Variants in TPRKB observed in about 807,000 individuals in gnomAD.
The protein encoded by TPRKB is TP53RK binding protein.
Under a neutral mutation model 17.8 loss-of-function variants are expected in TPRKB, and 11 were observed. The ratio of observed to expected loss-of-function variants is 0.62; its 90% CI spans 0.39 to 1.02. The LOEUF (loss-of-function observed/expected upper bound fraction) is 1.02. Among genes scored for constraint, TPRKB ranks in the 50% least tolerant of loss-of-function variants. The probability of loss-of-function intolerance (pLI) is 0.00; values close to 1 mark genes in which losing one functional copy is unlikely to be tolerated. For synonymous variants in TPRKB, 71 were observed against 69.5 expected (o/e 1.02, Z -0.11); for missense variants, 228 against 198.0 (o/e 1.15, Z -0.91).
chr2:73,732,572 G>A (rs758318463), intron 2 of TPRKB: 55 of 303,908 alleles, frequency 1.8e-4, no homozygotes, highest in Non-Finnish European at 3.1e-4. Context: ...AGTCAGGCGT[G>A]GTGGCACGCA....
chr2:73,730,671 A>G lies in TPRKB; in HGVS notation c.330T>C (p.Ile110=). The G allele has an allele frequency of 1.3e-6, 2 of 1,582,100 alleles. No homozygotes were observed. The highest frequency in any genetic ancestry group is 1.7e-6 in the Non-Finnish European group (2 of 1,169,480). ...ANDTSILIVY[I]EEGEKQINQE... ...GATTTATTTGTTTTTCTCCCTCTTC[A>G]ATGTAAACAATTAGAATTGAAGTGT... Residue 110 remains isoleucine, a synonymous_variant, in exon 4 of 5, where the codon ATT becomes ATC. Coordinates refer to ENST00000272424, the MANE Select transcript of TPRKB (RefSeq NM_016058.5).
In TPRKB at chr2:73,730,027, T is replaced by G. The variant is rs778740524; in HGVS notation, c.444A>C (p.Ile148=). 6.4e-7 allele frequency: 1 copy of G among 1,560,858 alleles called. No individual in the cohort carries two copies. Among genetic ancestry groups the G allele is most frequent in the African/African-American group, 1.4e-5 (1 of 73,476 alleles). ...EIMNITEVKK[I]YKLSSQEESI... ...TTTCTTCTTGTGAAGAGAGTTTATA[T>G]ATCTGTAAAAATGAAAGACAAATTA... The change falls in exon 5 of 5, where the codon ATA becomes ATC. Residue 148 remains isoleucine (I), a splice_region_variant and synonymous_variant. Transcript: ENST00000272424.
rs147625836 is a variant in TPRKB at position 73,732,274 on chromosome 2, T to G, written c.153A>C (p.Pro51=). The change falls in exon 3 of 5, where the codon CCA becomes CCC. Residue 51 remains proline, a synonymous_variant. Coordinates refer to ENST00000272424, the MANE Select transcript of TPRKB (RefSeq NM_016058.5). ...SLINPTVIVD[P]FQILVAANKA... is the part of the protein sequence containing the mutation. Reference sequence around the variant, plus strand: ...TGTTTGCTGCCACAAGTATCTGAAATGGATCAACAATCTACCAAAGCAAGG... The same window carrying G: ...TGTTTGCTGCCACAAGTATCTGAAAGGGATCAACAATCTACCAAAGCAAGG... The G allele has an allele frequency of 2.5e-6, 4 of 1,612,784 alleles. No individual in the cohort carries two copies. The highest frequency in any genetic ancestry group is 3.4e-6 in the Non-Finnish European group (4 of 1,179,732).
At chr2:73,735,879 A>G (rs1329603009) in intron 1 of TPRKB, among the ~76,000 whole-genome samples, 1 of 152,210 alleles carries the variant, frequency 6.6e-6, no homozygotes, top group African/African-American at 2.4e-5. Context: ...TGTTCCTCTC[A>G]TTATTTTAAC....
rs1221177948 is a variant in TPRKB, at chr2:73,730,865, C to A, written c.265-129G>T. ...TTTCATGTCCTAACAGTTCTCACTGCCTACTTTTTCACTTTAATGATTCCT... is the reference window on the plus strand; with the variant it reads ...TTTCATGTCCTAACAGTTCTCACTGACTACTTTTTCACTTTAATGATTCCT... On this transcript the variant is annotated intron_variant, in intron 3 of 4. Transcript: ENST00000272424. 1.7e-5 allele frequency: 10 copies of A among 592,714 alleles called. No homozygotes were observed. In the Admixed American group the frequency reaches 4.2e-4, roughly 25 times the overall value. The allele number at this position is 592,714 out of a possible 1,614,324, so 36.7% of individuals were successfully genotyped here.
chr2:73,733,866 G>T (rs1671751378), intron 2 of TPRKB, among the ~76,000 whole-genome samples: 1 of 137,500 alleles, frequency 7.3e-6, no homozygotes, highest in Non-Finnish European at 1.5e-5. Context: ...TGCCCAGGCT[G>T]GAGTGCAGTG....
intron 4 of TPRKB, 49 bp from the exon 5 acceptor site, chr2:73,730,078 A>G (rs1386140211): frequency 1.3e-6 from 2 of 1,493,442 alleles, no homozygotes; most frequent in Admixed American, 4.7e-5. Flanking sequence ...GTCATTCACT[A>G]CTAATTGTCA....
intron 3 of TPRKB, 74 bp from the exon 4 acceptor site, chr2:73,730,810 T>A (rs542628385): frequency 9.2e-7 from 1 of 1,088,010 alleles, no homozygotes; most frequent in Non-Finnish European, 1.3e-6. Flanking sequence ...CATTTCCTGA[T>A]CTGCCTTCTT....
chr2:73,735,452 G>A (rs1002636907), intron 1 of TPRKB, among the ~76,000 whole-genome samples: 14 of 152,000 alleles, frequency 9.2e-5, no homozygotes, highest in African/African-American at 3.4e-4. Flanking sequence ...AAACCTGCAC[G>A]TTGTGCACAT....
At chr2:73,733,118 G>T (rs1220874435) in intron 2 of TPRKB, among the ~76,000 whole-genome samples, 2 of 152,138 alleles carry the variant, frequency 1.3e-5, no homozygotes, top group Admixed American at 6.5e-5. Context: ...GTTAGTATAC[G>T]TAAAGCACTT....
intron 1 of TPRKB, among the ~76,000 whole-genome samples, chr2:73,735,585 C>T (rs564992052): frequency 2.6e-5 from 4 of 152,274 alleles, no homozygotes; most frequent in East Asian, 3.9e-4. Flanking sequence ...TAATCAATGT[C>T]GCTCCTTTCT....
Position 73,737,342 on chromosome 2 carries a change from A to G in TPRKB, c.-63T>C, listed in dbSNP as rs1488532856. ...GCGTCTCGGAAGAGCTCCCGCTCCG[A>G]AACAAAGCTCACAACTTCCGGAAGC... On this transcript the variant is annotated 5_prime_UTR_variant, in exon 1 of 5. Transcript: ENST00000272424. 1 of 152,174 alleles carries G rather than the reference A, an allele frequency of 6.6e-6. No individual in the cohort carries two copies. Among genetic ancestry groups the G allele is most frequent in the South Asian group, 2.1e-4 (1 of 4,826 alleles). 9.4% of individuals were successfully genotyped at this position (152,174 alleles called of 1,614,324 possible). A position where few individuals can be genotyped will look rare whatever the true frequency, so the allele number is the denominator to read the frequency against.
intron 1 of TPRKB, among the ~76,000 whole-genome samples, 166 bp downstream of exon 1, chr2:73,737,136 C>A (rs529626094): frequency 6.6e-6 from 1 of 152,292 alleles, no homozygotes; most frequent in East Asian, 1.9e-4. Flanking sequence ...TAAACTATTT[C>A]TTGAGGGGAC....
chr2:73,732,205 A>C lies in TPRKB; in HGVS notation c.222T>G (p.Thr74=). The C allele has an allele frequency of 6.2e-7, 1 of 1,613,954 alleles. No individual in the cohort carries two copies. Among genetic ancestry groups the C allele is most frequent in the Non-Finnish European group, 8.5e-7 (1 of 1,179,882 alleles). ...GGTTGAAAATAATTTCAGTAGATAG[A>C]GTTCTTGTCTTCATTTTTCCCAGTT... is the stretch of plus-strand genomic sequence containing the variant. ...LYKLGKMKTR[T]LSTEIIFNLS... Residue 74 remains threonine, a synonymous_variant, in exon 3 of 5, where the codon ACT becomes ACG. Transcript: ENST00000272424.
chr2:73,733,237 G>C (rs1316230008), intron 2 of TPRKB, among the ~76,000 whole-genome samples: 1 of 145,866 alleles, frequency 6.9e-6, no homozygotes, highest in Non-Finnish European at 1.5e-5. Context: ...ATCGCACTGC[G>C]TGTGCCCTGT....
rs1558756624 is a variant in TPRKB, at chr2:73,730,715, ATT to A, written c.284_285del (p.Lys95IlefsTer7). On this transcript the variant is annotated frameshift_variant, in exon 4 of 5. Transcript: ENST00000272424. LOFTEE classifies it high-confidence loss of function. ...PNNNISEALK[K>X]FGISANDTSI... ...GAAGTGTCATTTGCTGAGATACCAA[ATT>A]TTTTCAAAGCCTCTGAAATCTAAGA... The A allele has an allele frequency of 6.6e-7, 1 of 1,525,466 alleles. No individual in the cohort carries two copies. Among genetic ancestry groups the A allele is most frequent in the Admixed American group, 2.6e-5 (1 of 39,110 alleles). 94.5% of individuals were successfully genotyped at this position (1,525,466 alleles called of 1,614,324 possible).
Position 73,733,248 on chromosome 2 carries a change from TTTTTTG to T in TPRKB, c.142-969_142-964del, listed in dbSNP as rs1437118008. 5.6e-5 allele frequency among the ~76,000 whole-genome samples: 8 copies of T among 142,576 alleles called. No homozygotes were observed. In the East Asian group the frequency reaches 1.0e-3, roughly 18 times the overall value. 93.5% of individuals were successfully genotyped at this position (142,576 alleles called of 152,430 possible). A position where few individuals can be genotyped will look rare whatever the true frequency, so the allele number is the denominator to read the frequency against. On this transcript the variant is annotated intron_variant, in intron 2 of 4. Transcript: ENST00000272424. The stretch of plus-strand genomic sequence containing the variant: ...CATGATCGCACTGCGTGTGCCCTGT[TTTTTTG>T]TTTTTTTTTTTTTTTGGAGACAGAC...
chr2:73,734,629 A>C (rs957136270), intron 1 of TPRKB, 38 bp from the exon 2 acceptor site: 51 of 1,485,610 alleles, frequency 3.4e-5, no homozygotes, highest in Non-Finnish European at 4.5e-5. Context: ...ATTTCATTTA[A>C]AAGTTAACAT....
intron 1 of TPRKB, among the ~76,000 whole-genome samples, chr2:73,735,772 G>A (rs558592110): frequency 6.6e-6 from 1 of 152,180 alleles, no homozygotes; most frequent in East Asian, 1.9e-4. Context: ...TATTTTGGTG[G>A]GGCAATTTGA....
Sources: gnomAD v4.1 joint callset for allele counts (sites outside exome capture counted in the v4.1 genomes callset) on GRCh38, gnomAD v4.1.1 for gene constraint, MANE v1.5 for transcripts, NCBI Gene and HGNC (gene_info 2026-07-23, HGNC 2026-07-21) for gene names.